Variants in MYT1L observed in about 807,000 individuals in gnomAD.
MYT1L encodes myelin transcription factor 1-like protein.
MYT1L carries 12 observed loss-of-function variants against 126.7 expected under a neutral mutation model. The observed-to-expected ratio is 0.09, with a 90% CI of 0.06 to 0.15. MYT1L has a LOEUF of 0.15. Ranked by LOEUF, MYT1L falls within the 10% of genes least tolerant of loss-of-function variation. The probability of loss-of-function intolerance (pLI) is 1.00; values close to 1 mark genes in which losing one functional copy is unlikely to be tolerated. For synonymous variants in MYT1L, 541 were observed against 604.2 expected, an observed-to-expected ratio of 0.90 and a Z score of 1.53; for missense variants, 979 against 1,585.2, an observed-to-expected ratio of 0.62 and a Z score of 6.49.
At chr2:1,891,926 C>G in intron 15 of MYT1L, 111 bp downstream of exon 15, 1 of 1,426,724 alleles carries the variant, frequency 7.0e-7, no homozygotes, top group East Asian at 2.6e-5. Context: ...TAGGAGATCA[C>G]GGCGTTTGCC....
intron 4 of MYT1L, among the ~76,000 whole-genome samples, chr2:2,011,726 A>G (rs1168337625): frequency 3.9e-5 from 6 of 152,232 alleles, no homozygotes; most frequent in Non-Finnish European, 5.9e-5. Flanking sequence ...ATCTGAACAG[A>G]TATTTCTCCA....
chr2:1,954,591 G>A (rs1015356660), intron 8 of MYT1L, among the ~76,000 whole-genome samples: 2 of 152,040 alleles, frequency 1.3e-5, no homozygotes, highest in African/African-American at 4.8e-5. Flanking sequence ...AGCAACCACC[G>A]GGACAACATC....
chr2:1,922,141 A>T lies in MYT1L; in HGVS notation c.1483+145T>A, dbSNP rs2053640469. 2.2e-5 allele frequency: 25 copies of T among 1,151,870 alleles called. No individual in the cohort carries two copies. The South Asian group carries it at 4.2e-4, about 19-fold the overall frequency. 71.4% of individuals were successfully genotyped at this position (1,151,870 alleles called of 1,614,324 possible). Reference sequence around the variant, plus strand: ...ATTTGCTTGTCAGAAACGTAATCACAAAATATCCTTCTGGAATCAACTCTA... The same window carrying T: ...ATTTGCTTGTCAGAAACGTAATCACTAAATATCCTTCTGGAATCAACTCTA... On this transcript the variant is annotated intron_variant, in intron 10 of 24. Transcript: ENST00000647738. The surrounding 1 kb of genome is among the most constrained non-coding windows in gnomAD (Gnocchi z 7.4).
At chr2:1,839,055 G>T in intron 21 of MYT1L, 94 bp downstream of exon 21, 1 of 1,096,980 alleles carries the variant, frequency 9.1e-7, no homozygotes. Flanking sequence ...CAGGTGACGG[G>T]AGAAGCTGGC....
In MYT1L at chr2:1,991,524, C is replaced by G. The variant is rs548389779; in HGVS notation, c.-1+5667G>C. ...CAAACTCCTGGCCTCGAGTGATCCT[C>G]TGCCTCAGCCTCCAAAAGTTCTGGA... On this transcript the variant is annotated intron_variant, in intron 5 of 24. Transcript: ENST00000647738. 3.9e-5 allele frequency among the ~76,000 whole-genome samples: 6 copies of G among 152,280 alleles called. No homozygotes were observed. In the South Asian group the frequency reaches 1.2e-3, roughly 32 times the overall value.
At chr2:2,325,334 T>C (rs2096232070) in intron 1 of MYT1L, 1 of 152,236 alleles carries the variant, frequency 6.6e-6, no homozygotes, top group East Asian at 1.9e-4. Flanking sequence ...TATATTATTC[T>C]GTTTCAGTAT....
chr2:2,021,852 G>A (rs903371031), intron 4 of MYT1L, among the ~76,000 whole-genome samples: 4 of 152,088 alleles, frequency 2.6e-5, no homozygotes, highest in African/African-American at 7.2e-5. Context: ...AGCCGAGATC[G>A]TGCCACTGCA....
chr2:2,164,736 G>A (rs533557993), intron 3 of MYT1L, among the ~76,000 whole-genome samples: 1 of 152,352 alleles, frequency 6.6e-6, no homozygotes, highest in East Asian at 1.9e-4. Context: ...GACACGTGCT[G>A]TCAACAGACG....
At chr2:1,836,190 A>C (rs2040850133) in intron 21 of MYT1L, among the ~76,000 whole-genome samples, 1 of 152,084 alleles carries the variant, frequency 6.6e-6, no homozygotes, top group South Asian at 2.1e-4. Context: ...TTACTCACTG[A>C]CGTGGCCTGT....
intron 2 of MYT1L, among the ~76,000 whole-genome samples, chr2:2,247,636 C>T (rs112271159): frequency 0.058 from 8,792 of 152,166 alleles, 296 homozygotes; most frequent in Non-Finnish European, 0.073. Flanking sequence ...GGTCAAAAAA[C>T]GAGTCTTAAA....
chr2:2,286,008 A>G (rs2095515103), intron 1 of MYT1L, among the ~76,000 whole-genome samples: 2 of 151,228 alleles, frequency 1.3e-5, no homozygotes, highest in African/African-American at 2.4e-5. Flanking sequence ...TGTGAGATGG[A>G]CTGTCACTCT....
At chr2:1,961,960 G>C (rs1372315726) in intron 8 of MYT1L, among the ~76,000 whole-genome samples, 3 of 152,174 alleles carry the variant, frequency 2.0e-5, no homozygotes, top group African/African-American at 7.2e-5. Context: ...AGAATAATTT[G>C]GATGTTTCTA....
At chr2:2,057,741 A>G (rs998419344) in intron 3 of MYT1L, among the ~76,000 whole-genome samples, 10 of 152,156 alleles carry the variant, frequency 6.6e-5, no homozygotes, top group Non-Finnish European at 5.9e-5. Context: ...ATTCAGCATA[A>G]TTCTCTGGAG....
intron 1 of MYT1L, among the ~76,000 whole-genome samples, chr2:2,316,763 G>A (rs574201115): frequency 9.9e-5 from 15 of 152,198 alleles, no homozygotes; most frequent in South Asian, 4.2e-4. Context: ...TTTCAGTTAC[G>A]TGTCTGAGTG....
intron 3 of MYT1L, among the ~76,000 whole-genome samples, chr2:2,159,420 C>T (rs2087418318): frequency 6.6e-6 from 1 of 152,014 alleles, no homozygotes; most frequent in Admixed American, 6.5e-5. Flanking sequence ...AGGTGAGAGG[C>T]GCTCAAACCA....
chr2:2,125,493 C>T (rs1202777586), intron 3 of MYT1L, among the ~76,000 whole-genome samples: 1 of 152,174 alleles, frequency 6.6e-6, no homozygotes, highest in Non-Finnish European at 1.5e-5. Flanking sequence ...ATTCTGCTCA[C>T]CTGTGTATTG....
chr2:1,956,001 G>A (rs2058306968), intron 8 of MYT1L, among the ~76,000 whole-genome samples: 1 of 152,148 alleles, frequency 6.6e-6, no homozygotes, highest in Non-Finnish European at 1.5e-5. Context: ...TCATGGATAT[G>A]ATGTTCCAAG....
In MYT1L at chr2:2,036,984, T is replaced by A. The variant is rs553963437; in HGVS notation, c.-158+16994A>T. 4.6e-5 allele frequency among the ~76,000 whole-genome samples: 7 copies of A among 152,312 alleles called. No homozygotes were observed. The South Asian group carries it at 1.5e-3, about 32-fold the overall frequency. On this transcript the variant is annotated intron_variant, in intron 4 of 24. Coordinates refer to ENST00000647738, the MANE Select transcript of MYT1L (RefSeq NM_001303052.2). ...AGTGAGTGATGCAACAACAGAGGCA[T>A]CCCTTGGTTCTCCCAATACACCTGG...
intron 1 of MYT1L, among the ~76,000 whole-genome samples, chr2:2,310,886 T>C (rs1280005403): frequency 1.3e-5 from 2 of 152,148 alleles, no homozygotes; most frequent in East Asian, 3.8e-4. Context: ...AAAAATTCCA[T>C]AAATATCTTT....
Sources: allele counts gnomAD v4.1 joint callset (sites outside exome capture counted in the v4.1 genomes callset), GRCh38; gene constraint gnomAD v4.1.1; non-coding constraint Gnocchi (gnomAD v3.1); transcripts MANE v1.5; gene names NCBI Gene and HGNC (gene_info 2026-07-23, HGNC 2026-07-21).